The following MACROD2 variants were observed in gnomAD, a reference collection of about 807,000 sequenced individuals.
The protein encoded by MACROD2 is ADP-ribose glycohydrolase MACROD2.
Under a neutral mutation model 70.4 loss-of-function variants are expected in MACROD2, and 36 were observed. That is an observed-to-expected ratio of 0.51 (90% confidence interval 0.39 to 0.68). The LOEUF (loss-of-function observed/expected upper bound fraction) is 0.68. Among genes scored for constraint, MACROD2 ranks in the 30% least tolerant of loss-of-function variants. The pLI is 0.00. For synonymous variants in MACROD2, 172 were observed against 178.8 expected, an observed-to-expected ratio of 0.96 and a Z score of 0.30; for missense variants, 496 against 538.4, an observed-to-expected ratio of 0.92 and a Z score of 0.78.
At chr20:15,439,906 C>T (rs139712942) in intron 7 of MACROD2, among the ~76,000 whole-genome samples, 1,644 of 152,216 alleles carry the variant, frequency 0.011, 30 homozygotes, top group African/African-American at 0.037. Flanking sequence ...TCCCTAGATT[C>T]CTGTTAAAAT....
At chr20:15,417,804 G>C (rs149590220) in intron 6 of MACROD2, among the ~76,000 whole-genome samples, 18 of 152,102 alleles carry the variant, frequency 1.2e-4, no homozygotes, top group African/African-American at 4.3e-4. Context: ...TACTATAACG[G>C]AGGATATTTT....
chr20:15,623,129 G>T (rs1043221841), intron 8 of MACROD2, among the ~76,000 whole-genome samples: 1 of 152,170 alleles, frequency 6.6e-6, no homozygotes, highest in African/African-American at 2.4e-5. Context: ...ATGTCACTAG[G>T]AATAGAAGTT....
chr20:14,853,943 T>A (rs1324798505), intron 5 of MACROD2, among the ~76,000 whole-genome samples: 1 of 152,080 alleles, frequency 6.6e-6, no homozygotes, highest in African/African-American at 2.4e-5. Flanking sequence ...ACTCCAAGTG[T>A]ATTTTAGTTA....
intron 3 of MACROD2, among the ~76,000 whole-genome samples, chr20:14,440,006 G>A (rs6042732): frequency 0.96 from 146,691 of 152,178 alleles, 70,954 homozygotes; most frequent in East Asian, 1. Context: ...CCCACATCCC[G>A]TAGGTCATCT....
intron 8 of MACROD2, among the ~76,000 whole-genome samples, chr20:15,686,964 C>T (rs1485737224): frequency 6.9e-6 from 1 of 145,410 alleles, no homozygotes; most frequent in African/African-American, 2.5e-5. Flanking sequence ...CACCAAGGAA[C>T]TTTCTTTCTT....
chr20:14,646,064 TTAAA>T (rs922055119), intron 4 of MACROD2, among the ~76,000 whole-genome samples: 4 of 150,936 alleles, frequency 2.7e-5, no homozygotes, highest in East Asian at 1.9e-4. Context: ...ATACCATATA[TTAAA>T]TAAATAAGTT....
intron 3 of MACROD2, among the ~76,000 whole-genome samples, chr20:14,284,351 A>G (rs1181695688): frequency 1.3e-5 from 2 of 152,214 alleles, no homozygotes; most frequent in African/African-American, 4.8e-5. Flanking sequence ...TTTCTCCAGA[A>G]TATTTTTGTC....
chr20:14,617,258 A>G (rs890443824), intron 4 of MACROD2, among the ~76,000 whole-genome samples: 7 of 152,086 alleles, frequency 4.6e-5, no homozygotes, highest in African/African-American at 1.7e-4. Context: ...GAAATGATTT[A>G]TGTTTCATCC....
At chr20:15,294,416 C>A (rs1054103595) in intron 6 of MACROD2, among the ~76,000 whole-genome samples, 5 of 152,142 alleles carry the variant, frequency 3.3e-5, no homozygotes, top group Non-Finnish European at 2.9e-5. Flanking sequence ...CAGCCACATC[C>A]TTCTTTCTTC....
At chr20:14,279,913 C>T (rs2082292739) in intron 3 of MACROD2, among the ~76,000 whole-genome samples, 1 of 152,120 alleles carries the variant, frequency 6.6e-6, no homozygotes, top group Non-Finnish European at 1.5e-5. Flanking sequence ...TCAGGAATAA[C>T]TGTGTGACCT....
Position 15,651,112 on chromosome 20 carries a change from C to T in MACROD2, c.645+151265C>T, listed in dbSNP as rs1314490506. On this transcript the variant is annotated intron_variant, in intron 8 of 17. Coordinates refer to ENST00000684519, the MANE Select transcript of MACROD2 (RefSeq NM_001351661.2). ...TGGGTTTTTGGTTTGTTCCAGAGGC[C>T]ATATTTGGTAAACACCAACTTCTGA... Among the ~76,000 whole-genome samples, 3 of 152,266 alleles carry T rather than the reference C, an allele frequency of 2.0e-5. No individual in the cohort carries two copies. The East Asian group carries it at 5.8e-4, about 29-fold the overall frequency.
chr20:15,854,450 G>T (rs2064335159), intron 8 of MACROD2, among the ~76,000 whole-genome samples: 1 of 152,124 alleles, frequency 6.6e-6, no homozygotes, highest in Non-Finnish European at 1.5e-5. Context: ...GCTCTAATGG[G>T]CTTGGAAGAG....
chr20:14,623,402 G>T (rs532586687), intron 4 of MACROD2, among the ~76,000 whole-genome samples: 2 of 152,268 alleles, frequency 1.3e-5, no homozygotes, highest in East Asian at 1.9e-4. Context: ...GTTTATGAAC[G>T]TGGGATCACT....
chr20:15,237,692 A>T (rs966639497), intron 6 of MACROD2, among the ~76,000 whole-genome samples: 4 of 152,124 alleles, frequency 2.6e-5, no homozygotes, highest in Non-Finnish European at 4.4e-5. Flanking sequence ...ATAAGTTGGC[A>T]GTGTGGACAA....
chr20:14,432,416 CTT>C (rs35409599), intron 3 of MACROD2, among the ~76,000 whole-genome samples: 6 of 140,870 alleles, frequency 4.3e-5, no homozygotes, highest in Admixed American at 7.1e-5. Flanking sequence ...AAGATAGGCA[CTT>C]TTTTTTTTTT....
chr20:14,997,205 A>G (rs1314410997), intron 5 of MACROD2, among the ~76,000 whole-genome samples: 1 of 152,174 alleles, frequency 6.6e-6, no homozygotes, highest in Non-Finnish European at 1.5e-5. Flanking sequence ...TACAACGTGG[A>G]TACCAGCTCA....
chr20:15,661,730 G>T (rs573778435), intron 8 of MACROD2, among the ~76,000 whole-genome samples: 1 of 152,216 alleles, frequency 6.6e-6, no homozygotes, highest in South Asian at 2.1e-4. Context: ...AAAATTGTCT[G>T]CCCTGGAATG....
intron 6 of MACROD2, among the ~76,000 whole-genome samples, chr20:15,341,180 A>T (rs17300748): frequency 0.054 from 8,189 of 152,272 alleles, 318 homozygotes; most frequent in Non-Finnish European, 0.077. Context: ...TTTCTTTGGT[A>T]CATAAAACGG....
chr20:15,958,477 T>C (rs1237376579), intron 12 of MACROD2, among the ~76,000 whole-genome samples: 1 of 152,162 alleles, frequency 6.6e-6, no homozygotes. Context: ...AAGGATCAAA[T>C]GAAAATGTGA....
Sources: allele counts gnomAD v4.1 joint callset (sites outside exome capture counted in the v4.1 genomes callset), GRCh38; gene constraint gnomAD v4.1.1; transcripts MANE v1.5; gene names NCBI Gene and HGNC (gene_info 2026-07-23, HGNC 2026-07-21).